PCDHA11: variants seen among roughly 807,000 people sequenced by gnomAD.
PCDHA11 encodes the protein protocadherin alpha-11.
In PCDHA11, 61 loss-of-function variants were observed where a neutral mutation model predicts 70.3. The ratio of observed to expected loss-of-function variants is 0.87; its 90% CI spans 0.71 to 1.07. The LOEUF (loss-of-function observed/expected upper bound fraction) is 1.07. Ranked by LOEUF, PCDHA11 falls within the 50% of genes least tolerant of loss-of-function variation. The probability of loss-of-function intolerance (pLI) is 0.00; values close to 1 mark genes in which losing one functional copy is unlikely to be tolerated. For synonymous variants in PCDHA11, 633 were observed against 555.1 expected, an observed-to-expected ratio of 1.14 and a Z score of -1.97; for missense variants, 1,324 against 1,237.5, an observed-to-expected ratio of 1.07 and a Z score of -1.05.
chr5:140,943,257 C>CAA lies in PCDHA11; in HGVS notation c.2392-35673_2392-35672dup, dbSNP rs1238620023. Reference sequence around the variant, plus strand: ...TGGGTCACAGAGTGAGACTCTGTCTCAAAAAAAAAAAAAAAAAAAAGAAAG... The same window carrying CAA: ...TGGGTCACAGAGTGAGACTCTGTCTCAAAAAAAAAAAAAAAAAAAAAAGAAAG... On this transcript the variant is annotated intron_variant, in intron 1 of 3. Transcript: ENST00000398640. Among the ~76,000 whole-genome samples the CAA allele has an allele frequency of 2.6e-3, 203 of 77,270 alleles. 1 individual carries two copies. Among genetic ancestry groups the CAA allele is most frequent in the African/African-American group, 9.8e-3 (185 of 18,826 alleles). The allele number at this position is 77,270 out of a possible 152,430, so 50.7% of individuals were successfully genotyped here. A position where few individuals can be genotyped will look rare whatever the true frequency, so the allele number is the denominator to read the frequency against.
chr5:141,010,802 G>A lies in PCDHA11; in HGVS notation c.*865G>A, dbSNP rs1323558356. On this transcript the variant is annotated 3_prime_UTR_variant, in exon 4 of 4. Coordinates refer to ENST00000398640, the MANE Select transcript of PCDHA11 (RefSeq NM_018902.5). ...TTATGCAAAAGCAAAAGAAAACCCC[G>A]ACACCTCACCTTTCGCTGTTTGTTG... 6.5e-6 allele frequency: 1 copy of A among 153,554 alleles called. No homozygotes were observed. The highest frequency in any genetic ancestry group is 1.5e-5 in the Non-Finnish European group (1 of 68,024). The allele number at this position is 153,554 out of a possible 1,614,324, so 9.5% of individuals were successfully genotyped here. A position where few individuals can be genotyped will look rare whatever the true frequency, so the allele number is the denominator to read the frequency against.
At chr5:141,007,677 T>C (rs2098339934) in intron 3 of PCDHA11, among the ~76,000 whole-genome samples, 1 of 152,158 alleles carries the variant, frequency 6.6e-6, no homozygotes, top group South Asian at 2.1e-4. Flanking sequence ...AGACAAAAGT[T>C]ATCCTACTTC....
intron 1 of PCDHA11, among the ~76,000 whole-genome samples, chr5:140,893,177 T>A (rs2063856203): frequency 6.6e-6 from 1 of 152,232 alleles, no homozygotes; most frequent in Admixed American, 6.5e-5. Flanking sequence ...TTCCACATAG[T>A]AGCTATTGTG....
chr5:140,955,078 G>T lies in PCDHA11; in HGVS notation c.2392-23871G>T, dbSNP rs192023775. On this transcript the variant is annotated intron_variant, in intron 1 of 3. Transcript: ENST00000398640. ...TTGTCAGGTTTGTTGAAGATCAGAT[G>T]GTTGTAGGTGTGTGGTGTTATTTCT... Among the ~76,000 whole-genome samples, 36 of 152,228 alleles carry T rather than the reference G, an allele frequency of 2.4e-4. No homozygotes were observed. In the East Asian group the frequency reaches 6.6e-3, roughly 28 times the overall value.
intron 1 of PCDHA11, among the ~76,000 whole-genome samples, chr5:140,944,030 A>G (rs1272534224): frequency 1.3e-5 from 2 of 152,214 alleles, no homozygotes; most frequent in East Asian, 1.9e-4. Context: ...TCTTCAAAAT[A>G]TGGAAAACCA....
At chr5:140,891,136 G>A (rs541876133) in intron 1 of PCDHA11, among the ~76,000 whole-genome samples, 1 of 152,068 alleles carries the variant, frequency 6.6e-6, no homozygotes, top group Non-Finnish European at 1.5e-5. Context: ...TTCCTTTAAA[G>A]GTATTCTGTT....
chr5:140,875,422 AG>A (rs1554167622), intron 1 of PCDHA11: 1 of 1,524,010 alleles, frequency 6.6e-7, no homozygotes, highest in Non-Finnish European at 8.8e-7. Context: ...ACCTCAGGCA[AG>A]CGATCCCTTA....
At chr5:140,931,023 T>C (rs146623712) in intron 1 of PCDHA11, among the ~76,000 whole-genome samples, 1 of 152,322 alleles carries the variant, frequency 6.6e-6, no homozygotes, top group African/African-American at 2.4e-5. Context: ...AATTTTCTGA[T>C]TGTAGAGCTA....
rs782478328 is a variant in PCDHA11, at chr5:140,869,835, A to G, written c.732A>G (p.Lys244=). 9.9e-5 allele frequency: 160 copies of G among 1,611,656 alleles called. No individual in the cohort carries two copies. The highest frequency in any genetic ancestry group is 1.3e-4 in the Non-Finnish European group (151 of 1,178,868). The part of the protein sequence containing the change: ...DVNDNDPEFD[K]SEYKVSLMEN... ...ACGACAATGATCCAGAGTTTGATAA[A>G]TCAGAATATAAGGTGAGCCTTATGG... Residue 244 remains lysine (K), a synonymous_variant, in exon 1 of 4, where the codon AAA becomes AAG. Coordinates refer to ENST00000398640, the MANE Select transcript of PCDHA11 (RefSeq NM_018902.5).
At chr5:140,929,057 C>T (rs17844370) in intron 1 of PCDHA11, 1 of 1,614,070 alleles carries the variant, frequency 6.2e-7, no homozygotes, top group Non-Finnish European at 8.5e-7. Flanking sequence ...TGTCGCTCTA[C>T]AGAGGATCTG....
chr5:140,986,246 C>T (rs561365390), intron 3 of PCDHA11, among the ~76,000 whole-genome samples: 1 of 152,178 alleles, frequency 6.6e-6, no homozygotes, highest in African/African-American at 2.4e-5. Flanking sequence ...TGAGCAGACC[C>T]GGACCACAGG....
intron 3 of PCDHA11, among the ~76,000 whole-genome samples, chr5:140,993,460 T>TCACACACACA (rs1554253699): frequency 5.7e-5 from 6 of 104,506 alleles, no homozygotes; most frequent in African/African-American, 7.8e-5. Flanking sequence ...CTTCTTTCTT[T>TCACACACACA]CTCACACACA....
intron 1 of PCDHA11, chr5:140,875,919 C>G: frequency 2.5e-6 from 4 of 1,614,168 alleles, no homozygotes; most frequent in Non-Finnish European, 3.4e-6. Flanking sequence ...CGCCTCTGGA[C>G]TCTCATTTTC....
chr5:141,010,438 CAAAT>C lies in PCDHA11; in HGVS notation c.*505_*508del, dbSNP rs2098417279. On this transcript the variant is annotated 3_prime_UTR_variant, in exon 4 of 4. Transcript: ENST00000398640. ...TACAAGGAAGGCAAGAAAACAAAGA[CAAAT>C]AAACAGCGGAAGTTATCAGTATGGA... 2.0e-6 allele frequency: 2 copies of C among 998,926 alleles called. No homozygotes were observed. The highest frequency in any genetic ancestry group is 2.8e-6 in the Non-Finnish European group (2 of 704,790). The allele number at this position is 998,926 out of a possible 1,614,324, so 61.9% of individuals were successfully genotyped here.
At chr5:140,875,648 T>C in intron 1 of PCDHA11, 1 of 1,613,728 alleles carries the variant, frequency 6.2e-7, no homozygotes, top group Non-Finnish European at 8.5e-7. Flanking sequence ...CTGGCGGAGC[T>C]GGTGCCGCGC....
rs2051311295 is a variant in PCDHA11 at position 140,869,652 on chromosome 5, A to C, written c.549A>C (p.Pro183=). The C allele has an allele frequency of 2.5e-6, 4 of 1,613,458 alleles. No individual in the cohort carries two copies. The highest frequency in any genetic ancestry group is 2.2e-5 in the South Asian group (2 of 91,074). Residue 183 remains proline (P), a synonymous_variant, in exon 1 of 4, where the codon CCA becomes CCC. Coordinates refer to ENST00000398640, the MANE Select transcript of PCDHA11 (RefSeq NM_018902.5). ...SKNEYFSLDS[P]TNGKQIKRLS... is the part of the protein sequence containing the mutation. Reference sequence around the variant, plus strand: ...ATGAGTATTTTTCTTTAGATTCACCAACAAATGGTAAGCAGATTAAAAGAC... The same window carrying C: ...ATGAGTATTTTTCTTTAGATTCACCCACAAATGGTAAGCAGATTAAAAGAC...
Position 140,870,910 on chromosome 5 carries a change from A to G in PCDHA11, c.1807A>G (p.Asn603Asp), listed in dbSNP as rs2052532769. The part of the protein sequence containing the change: ...VRAVDADSGY[N>D]AWLSYELQPA... ...CGCAGTGGATGCGGACTCAGGCTAC[A>G]ACGCGTGGCTTTCATATGAATTGCA... The change falls in exon 1 of 4, where the codon AAC (asparagine) becomes GAC (aspartate). Residue 603 changes from asparagine (N) to aspartate (D), a missense_variant. Asn to Asp is a conservative substitution (Grantham distance 23). Coordinates refer to ENST00000398640, the MANE Select transcript of PCDHA11 (RefSeq NM_018902.5). 6.2e-7 allele frequency: 1 copy of G among 1,613,930 alleles called. No individual in the cohort carries two copies. The highest frequency in any genetic ancestry group is 1.1e-5 in the South Asian group (1 of 91,084).
At chr5:140,875,906 C>T in intron 1 of PCDHA11, 1 of 1,614,204 alleles carries the variant, frequency 6.2e-7, no homozygotes, top group East Asian at 2.2e-5. Flanking sequence ...GTTTCTGAAT[C>T]TGCGCCTCTG....
rs533760082 is a variant in PCDHA11 at position 140,985,940 on chromosome 5, T to C, written c.2539+3377T>C. On this transcript the variant is annotated intron_variant, in intron 3 of 3. Coordinates refer to ENST00000398640, the MANE Select transcript of PCDHA11 (RefSeq NM_018902.5). ...ATTTTTAGTAGAGCCGGGGTTTCAC[T>C]GTGTTAGCCAGGATGGTCTCAATCT... is the stretch of plus-strand genomic sequence containing the variant. Among the ~76,000 whole-genome samples, 4 of 151,946 alleles carry C rather than the reference T, an allele frequency of 2.6e-5. No homozygotes were observed. In the South Asian group the frequency reaches 6.2e-4, roughly 24 times the overall value.
Sources: allele counts gnomAD v4.1 joint callset (sites outside exome capture counted in the v4.1 genomes callset), GRCh38; gene constraint gnomAD v4.1.1; transcripts MANE v1.5; gene names NCBI Gene and HGNC (gene_info 2026-07-23, HGNC 2026-07-21).